The following DLL3 variants were observed in gnomAD, a reference collection of about 807,000 sequenced individuals.
DLL3 encodes the protein delta-like protein 3.
A neutral mutation model predicts 55.0 loss-of-function variants in DLL3; 49 were observed. That is an observed-to-expected ratio of 0.89 (90% CI 0.71 to 1.13). The LOEUF (loss-of-function observed/expected upper bound fraction) is 1.13, where lower values mean the gene tolerates loss of function less well. DLL3 is among the 50% of genes most tolerant of loss of function. The pLI is 0.00. For synonymous variants in DLL3, 421 were observed against 385.2 expected (o/e 1.09, Z -1.09); for missense variants, 962 against 875.5 (o/e 1.10, Z -1.25).
rs1411759153 is a variant in DLL3, at chr19:39,508,310, C to G, written c.*53C>G. The G allele has an allele frequency of 6.2e-7, 1 of 1,603,396 alleles. No individual in the cohort carries two copies. The highest frequency in any genetic ancestry group is 1.3e-5 in the African/African-American group (1 of 74,688). On this transcript the variant is annotated 3_prime_UTR_variant, in exon 9 of 9. Coordinates refer to ENST00000356433, the MANE Select transcript of DLL3 (RefSeq NM_203486.3). ...CAGAGCGTGGATTTTTGTATTTGCT[C>G]GGTGGTGCCCAGTCTCTGCCCCAGA...
intron 4 of DLL3, among the ~76,000 whole-genome samples, chr19:39,503,505 A>G (rs1202245919): frequency 6.6e-6 from 1 of 152,134 alleles, no homozygotes; most frequent in Admixed American, 6.5e-5. Context: ...AAGCTTTGGA[A>G]TCTCCTCCCA....
chr19:39,504,373 A>C, intron 5 of DLL3, 85 bp downstream of exon 5: 1 of 1,440,810 alleles, frequency 6.9e-7, no homozygotes, highest in Non-Finnish European at 9.6e-7. Context: ...ATGAGACACC[A>C]GCCTGGGGAG....
chr19:39,500,427 C>A (rs534557140), intron 2 of DLL3, among the ~76,000 whole-genome samples, 188 bp from the exon 3 acceptor site: 14 of 144,882 alleles, frequency 9.7e-5, no homozygotes, highest in East Asian at 6.1e-4. Context: ...TTCTCCCCCC[C>A]CCCCCAAAAA....
At chr19:39,505,769 G>T (rs1289749548) in intron 6 of DLL3, 1 of 374,026 alleles carries the variant, frequency 2.7e-6, no homozygotes, top group African/African-American at 2.1e-5. Context: ...AGCCAGTGTG[G>T]TTATACTGAG....
chr19:39,506,161 G>A (rs2079639247), intron 6 of DLL3, among the ~76,000 whole-genome samples: 1 of 135,758 alleles, frequency 7.4e-6, no homozygotes, highest in Non-Finnish European at 1.5e-5. Context: ...GCAGTGAGCC[G>A]AGATCATGCC....
intron 4 of DLL3, 113 bp from the exon 5 acceptor site, chr19:39,503,958 A>T: frequency 9.9e-7 from 1 of 1,010,530 alleles, no homozygotes; most frequent in East Asian, 2.6e-5. Context: ...TGTCACAAAG[A>T]TGAAGCAAGG....
At position 39,500,736 on chromosome 19, in the gene DLL3, G is replaced by T. The variant is rs1276079436; in HGVS notation, c.409+64G>T. The T allele has an allele frequency of 2.7e-5, 39 of 1,442,710 alleles. No homozygotes were observed. In the South Asian group the frequency reaches 4.3e-4, roughly 16 times the overall value. The allele number at this position is 1,442,710 out of a possible 1,614,324, so 89.4% of individuals were successfully genotyped here. On this transcript the variant is annotated intron_variant, in intron 3 of 8. Transcript: ENST00000356433. ...GCCCACGTGAGACACGGGGTTGGTG[G>T]TGTTATCTATAGGTCTTATGATGTC...
Position 39,507,136 on chromosome 19 carries a change from C to A in DLL3, c.1191C>A (p.Gly397=). ...RCEHDLDDCA[G]RACANGGTCV... ...AGCACGACCTGGACGACTGCGCGGG[C>A]CGCGCCTGCGCTAACGGCGGCACGT... The change falls in exon 7 of 9, where the codon GGC becomes GGA. Residue 397 remains glycine, a synonymous_variant. Coordinates refer to ENST00000356433, the MANE Select transcript of DLL3 (RefSeq NM_203486.3). 6.6e-7 allele frequency: 1 copy of A among 1,516,180 alleles called. No individual in the cohort carries two copies. The highest frequency in any genetic ancestry group is 1.4e-5 in the African/African-American group (1 of 70,488). The allele number at this position is 1,516,180 out of a possible 1,614,324, so 93.9% of individuals were successfully genotyped here. A position where few individuals can be genotyped will look rare whatever the true frequency, so the allele number is the denominator to read the frequency against.
chr19:39,500,218 G>A lies in DLL3; in HGVS notation c.352-397G>A, dbSNP rs151162827. ...CTAGGCAGGAGGATCTCCTGAGCCC[G>A]GCAGTTTGAGACCAGTCTCAGTAAC... On this transcript the variant is annotated intron_variant, in intron 2 of 8. Transcript: ENST00000356433. Among the ~76,000 whole-genome samples, 692 of 150,742 alleles carry A rather than the reference G, an allele frequency of 4.6e-3. 8 individuals are homozygous for A. The highest frequency in any genetic ancestry group is 0.026 in the South Asian group (122 of 4,774).
chr19:39,504,836 G>A (rs993829560), intron 5 of DLL3, among the ~76,000 whole-genome samples: 1 of 152,022 alleles, frequency 6.6e-6, no homozygotes, highest in Admixed American at 6.6e-5. Flanking sequence ...CACACTCAGG[G>A]TTCAAATACT....
In DLL3 at chr19:39,504,275, G is replaced by T; in HGVS notation, c.857G>T (p.Gly286Val). The part of the protein sequence containing the change: ...GPCDGNPCAN[G>V]GSCSETPRSF... The stretch of plus-strand genomic sequence containing the variant: ...TGTGACGGGAACCCGTGTGCCAATG[G>T]AGGCAGCTGTAGTGTCAGTGTCACC... The change falls in exon 5 of 9, where the codon GGA becomes GTA. Residue 286 changes from glycine (G) to valine (V), a missense_variant. Transcript: ENST00000356433. 6.2e-7 allele frequency: 1 copy of T among 1,612,646 alleles called. No homozygotes were observed.
In DLL3 at chr19:39,507,187, C is replaced by T; in HGVS notation, c.1242C>T (p.Arg414=). ...GTGTGGAGGGCGGCGGCGCGCACCGCTGCTCCTGCGCGCTGGGCTTCGGCG... is the reference window on the plus strand; with the variant it reads ...GTGTGGAGGGCGGCGGCGCGCACCGTTGCTCCTGCGCGCTGGGCTTCGGCG... The part of the protein sequence containing the change: ...GTCVEGGGAH[R]CSCALGFGGR... The change falls in exon 7 of 9, where the codon CGC becomes CGT. Residue 414 remains arginine, a synonymous_variant. Coordinates refer to ENST00000356433, the MANE Select transcript of DLL3 (RefSeq NM_203486.3). The T allele has an allele frequency of 4.5e-6, 6 of 1,330,184 alleles. No individual in the cohort carries two copies. The highest frequency in any genetic ancestry group is 5.7e-6 in the Non-Finnish European group (6 of 1,050,402). 82.4% of individuals were successfully genotyped at this position (1,330,184 alleles called of 1,614,324 possible). A position where few individuals can be genotyped will look rare whatever the true frequency, so the allele number is the denominator to read the frequency against.
chr19:39,502,029 CAA>C (rs377747353), intron 3 of DLL3, among the ~76,000 whole-genome samples: 1 of 151,044 alleles, frequency 6.6e-6, no homozygotes, highest in Non-Finnish European at 1.5e-5. Context: ...ACTAAAAATA[CAA>C]AAAAAATTAG....
At chr19:39,503,128 C>A (rs141944861) in intron 4 of DLL3, 71 bp downstream of exon 4, 818 of 1,460,818 alleles carry the variant, frequency 5.6e-4, no homozygotes, top group Admixed American at 1.0e-3. Flanking sequence ...CACTCGCGGC[C>A]CCCAGTCCCC....
intron 5 of DLL3, 48 bp downstream of exon 5, chr19:39,504,336 G>T: frequency 6.3e-7 from 1 of 1,597,110 alleles, no homozygotes. Flanking sequence ...TTTACCCTGG[G>T]AGCCACAGCC....
At chr19:39,499,525 C>T (rs762669182) in intron 2 of DLL3, 52 bp downstream of exon 2, 8 of 1,551,978 alleles carry the variant, frequency 5.2e-6, no homozygotes, top group East Asian at 2.4e-5. Flanking sequence ...ACCCTGCCAG[C>T]GAAACCTCCA....
chr19:39,500,421 C>T (rs1391532004), intron 2 of DLL3, among the ~76,000 whole-genome samples, 194 bp from the exon 3 acceptor site: 1 of 44,550 alleles, frequency 2.2e-5, no homozygotes, highest in African/African-American at 6.6e-5. Flanking sequence ...GTGAGATTCT[C>T]CCCCCCCCCC....
rs733699 is a variant in DLL3, at chr19:39,503,873, G to A, written c.653-198G>A. Reference sequence around the variant, plus strand: ...ACTTCCTAGGTGGGCTGGTCACCTCGTCTCTGTGGGCCTCAGTTTCCCTAT... The same window carrying A: ...ACTTCCTAGGTGGGCTGGTCACCTCATCTCTGTGGGCCTCAGTTTCCCTAT... On this transcript the variant is annotated intron_variant, in intron 4 of 8. Coordinates refer to ENST00000356433, the MANE Select transcript of DLL3 (RefSeq NM_203486.3). Among the ~76,000 whole-genome samples, 45,079 of 151,890 alleles carry A rather than the reference G, an allele frequency of 0.3. 6,894 individuals carry two copies. The highest frequency in any genetic ancestry group is 0.41 in the Middle Eastern group (122 of 294).
chr19:39,507,294 G>A lies in DLL3; in HGVS notation c.1349G>A (p.Gly450Asp). Residue 450 changes from glycine (G) to aspartate (D), a missense_variant, in exon 7 of 9, where the codon GGC becomes GAC. Gly to Asp is a moderately conservative substitution (Grantham distance 94, BLOSUM62 -1). Coordinates refer to ENST00000356433, the MANE Select transcript of DLL3 (RefSeq NM_203486.3). ...GGCCGCTGCTACGCCCACTTCTCCG[G>A]CCTCGTCTGCGCTTGCGCTCCCGGC... ...HGGRCYAHFS[G>D]LVCACAPGYM... is the part of the protein sequence containing the mutation. 6.5e-7 allele frequency: 1 copy of A among 1,549,054 alleles called. No individual in the cohort carries two copies. The highest frequency in any genetic ancestry group is 8.7e-7 in the Non-Finnish European group (1 of 1,154,868).
Sources: gnomAD v4.1 joint callset for allele counts (sites outside exome capture counted in the v4.1 genomes callset) on GRCh38, gnomAD v4.1.1 for gene constraint, MANE v1.5 for transcripts, NCBI Gene and HGNC (gene_info 2026-07-23, HGNC 2026-07-21) for gene names.